Variants in FADS6 observed in about 807,000 individuals in gnomAD.
FADS6 encodes the protein fatty acid desaturase 6.
In FADS6, 28 loss-of-function variants were observed where a neutral mutation model predicts 31.7. The observed-to-expected ratio is 0.88, with a 90% confidence interval of 0.66 to 1.21. FADS6 has a LOEUF of 1.21. FADS6 is among the 50% of genes most tolerant of loss of function. The pLI, the probability that FADS6 is intolerant of heterozygous loss-of-function variation, is 0.00. For missense variants in FADS6, 494 were observed against 504.2 expected, an observed-to-expected ratio of 0.98 and a Z score of 0.19; for synonymous variants, 191 against 213.1, an observed-to-expected ratio of 0.90 and a Z score of 0.90.
chr17:74,886,830 A>G (rs2038628585), intron 2 of FADS6, among the ~76,000 whole-genome samples: 1 of 151,742 alleles, frequency 6.6e-6, no homozygotes, highest in South Asian at 2.1e-4. Context: ...TTGTCCATAC[A>G]TTTGTTCTGT....
At chr17:74,891,248 TG>T (rs2038685169) in intron 2 of FADS6, among the ~76,000 whole-genome samples, 1 of 151,838 alleles carries the variant, frequency 6.6e-6, no homozygotes, top group Non-Finnish European at 1.5e-5. Flanking sequence ...ACGTTGGTCA[TG>T]CTGGTCTCAA....
chr17:74,886,671 A>G (rs1263082919), intron 2 of FADS6, among the ~76,000 whole-genome samples: 1 of 152,114 alleles, frequency 6.6e-6, no homozygotes, highest in Admixed American at 6.6e-5. Context: ...GAAAACTACC[A>G]ACTTAGATTA....
At chr17:74,887,613 C>T (rs945197683) in intron 2 of FADS6, among the ~76,000 whole-genome samples, 2 of 152,194 alleles carry the variant, frequency 1.3e-5, no homozygotes, top group African/African-American at 4.8e-5. Context: ...TAGGGAGGTG[C>T]GACTCTGAAA....
chr17:74,887,243 C>T (rs1223172782), intron 2 of FADS6, among the ~76,000 whole-genome samples: 1 of 152,086 alleles, frequency 6.6e-6, no homozygotes, highest in Non-Finnish European at 1.5e-5. Context: ...ACCGCCACAT[C>T]CAGCTAATTT....
At chr17:74,890,506 G>A (rs2038678198) in intron 2 of FADS6, among the ~76,000 whole-genome samples, 1 of 152,190 alleles carries the variant, frequency 6.6e-6, no homozygotes, top group African/African-American at 2.4e-5. Context: ...CACCAGGCAG[G>A]TGTCACGACA....
chr17:74,875,135 T>C (rs2038500633), downstream of FADS6, among the ~76,000 whole-genome samples: 1 of 152,270 alleles, frequency 6.6e-6, no homozygotes, highest in South Asian at 2.1e-4. Context: ...TCAGACAACA[T>C]TGGGTCTGAA....
At chr17:74,886,185 G>A (rs1203923555) in intron 2 of FADS6, among the ~76,000 whole-genome samples, 1 of 150,168 alleles carries the variant, frequency 6.7e-6, no homozygotes, top group Admixed American at 6.6e-5. Flanking sequence ...CTTGCAGTGA[G>A]CGGAGATCCC....
chr17:74,881,123 A>C lies in FADS6; in HGVS notation c.725T>G (p.Met242Arg). The C allele has an allele frequency of 6.2e-7, 1 of 1,613,750 alleles. No homozygotes were observed. The highest frequency in any genetic ancestry group is 8.5e-7 in the Non-Finnish European group (1 of 1,179,818). ...FKNPSSALGC[M>R]FLTRSLLAHP... ...GGCCAACAGGGATCTGGTGAGGAAC[A>C]TGCAGCCCAGGGCTGAGCTGGGGTT... Residue 242 changes from methionine to arginine, a missense_variant, in exon 4 of 6, where the codon ATG becomes AGG. Physicochemically the swap from Met to Arg is moderately conservative, Grantham distance 91. This residue lies in a region of FADS6 where 454 missense variants were observed against 438.5 expected (regional missense o/e 1.04). Coordinates refer to ENST00000612771, the MANE Select transcript of FADS6 (RefSeq NM_178128.6).
intron 2 of FADS6, among the ~76,000 whole-genome samples, chr17:74,888,216 A>C (rs887383076): frequency 6.6e-6 from 1 of 151,284 alleles, no homozygotes; most frequent in Non-Finnish European, 1.5e-5. Context: ...ATTGAATGAC[A>C]CTTAGATAAA....
intron 2 of FADS6, among the ~76,000 whole-genome samples, chr17:74,886,701 C>A (rs1401337747): frequency 2.0e-5 from 3 of 152,126 alleles, no homozygotes; most frequent in Non-Finnish European, 4.4e-5. Flanking sequence ...GCCACAAGAC[C>A]AAGTTCCAGG....
chr17:74,887,282 G>T (rs146007484), intron 2 of FADS6, among the ~76,000 whole-genome samples: 1 of 151,976 alleles, frequency 6.6e-6, no homozygotes, highest in African/African-American at 2.4e-5. Context: ...ACAGGCTCTC[G>T]CTGTGTTGCC....
In FADS6 at chr17:74,892,533, A is replaced by C; in HGVS notation, c.401T>G (p.Phe134Cys). The C allele has an allele frequency of 6.2e-7, 1 of 1,612,720 alleles. No homozygotes were observed. The highest frequency in any genetic ancestry group is 1.3e-5 in the African/African-American group (1 of 75,020). ...TTCTCCCAGGCTCACCTCCACAAAG[A>C]AAAGCAGCCAGATCTTGCTCCAGCG... ...SKRWSKIWLL[F>C]FVEVCTAFTA... is the part of the protein sequence containing the mutation. The change falls in exon 2 of 6, where the codon TTC (phenylalanine) becomes TGC (cysteine). Residue 134 changes from phenylalanine to cysteine, a missense_variant. Coordinates refer to ENST00000612771, the MANE Select transcript of FADS6 (RefSeq NM_178128.6).
intron 2 of FADS6, among the ~76,000 whole-genome samples, chr17:74,887,058 TC>T (rs1156434379): frequency 2.9e-5 from 3 of 102,638 alleles, no homozygotes; most frequent in Admixed American, 1.2e-4. Flanking sequence ...CACACTCCAG[TC>T]TTTTTTTTTT....
At chr17:74,886,108 G>A (rs900249887) in intron 2 of FADS6, among the ~76,000 whole-genome samples, 8 of 152,134 alleles carry the variant, frequency 5.3e-5, no homozygotes, top group Middle Eastern at 3.4e-3. Flanking sequence ...GCGTGGTGGC[G>A]GGCGCCTGTA....
intron 2 of FADS6, among the ~76,000 whole-genome samples, chr17:74,886,233 CA>C (rs2038620943): frequency 9.1e-6 from 1 of 109,732 alleles, no homozygotes; most frequent in Admixed American, 9.4e-5. Flanking sequence ...AGCGAGATTC[CA>C]TCTCAAAAAA....
chr17:74,882,209 T>C (rs564347402), intron 3 of FADS6, among the ~76,000 whole-genome samples: 54 of 152,344 alleles, frequency 3.5e-4, no homozygotes, highest in African/African-American at 1.2e-3. Flanking sequence ...GTGCTAGGAT[T>C]ACAGGTGTCA....
At chr17:74,875,211 ACTGT>A (rs1348804717), downstream of FADS6, among the ~76,000 whole-genome samples, 5 of 152,184 alleles carry the variant, frequency 3.3e-5, no homozygotes, top group African/African-American at 7.2e-5. Context: ...ACTTTTTTTC[ACTGT>A]CTGTAACATT....
In FADS6 at chr17:74,882,631, A is replaced by G. The variant is rs1229873303; in HGVS notation, c.491T>C (p.Leu164Pro). 8 of 1,611,610 alleles carry G rather than the reference A, an allele frequency of 5.0e-6. No individual in the cohort carries two copies. The highest frequency in any genetic ancestry group is 6.8e-6 in the Non-Finnish European group (8 of 1,179,014). ...CAGCCTCCACGTGCTGGAGTCCCCC[A>G]GGCCCACCACGTTGGTGTAGGCATG... Reference protein sequence around the residue: ...MHHAYTNVVGLGDSSTWRLPC... With the variant: ...MHHAYTNVVGPGDSSTWRLPC... The change falls in exon 3 of 6, where the codon CTG (leucine) becomes CCG (proline). Residue 164 changes from leucine to proline, a missense_variant. By Grantham distance (98) the Leu-to-Pro change is moderately conservative. Around this residue, in one of 2 missense-constraint regions of FADS6, gnomAD observed 454 missense variants for 438.5 expected, o/e 1.04. Coordinates refer to ENST00000612771, the MANE Select transcript of FADS6 (RefSeq NM_178128.6).
intron 2 of FADS6, among the ~76,000 whole-genome samples, chr17:74,890,137 G>A (rs577818611): frequency 2.6e-5 from 4 of 152,334 alleles, no homozygotes; most frequent in Middle Eastern, 3.4e-3. Context: ...AGGGCAGCCA[G>A]TGGGGCTGGG....
Sources: allele counts gnomAD v4.1 joint callset (sites outside exome capture counted in the v4.1 genomes callset), GRCh38; gene constraint gnomAD v4.1.1; regional missense constraint gnomAD v4.1.1; transcripts MANE v1.5; gene names NCBI Gene and HGNC (gene_info 2026-07-23, HGNC 2026-07-21).